The following DNM3 variants were observed in gnomAD, a reference collection of about 807,000 sequenced individuals.
The protein encoded by DNM3 is dynamin 3.
A neutral mutation model predicts 101.6 loss-of-function variants in DNM3; 47 were observed. The ratio of observed to expected loss-of-function variants is 0.46; its 90% CI spans 0.37 to 0.59. DNM3 has a LOEUF of 0.59. Among genes scored for constraint, DNM3 ranks in the 20% least tolerant of loss-of-function variants. The pLI, the probability that DNM3 is intolerant of heterozygous loss-of-function variation, is 0.00. For missense variants in DNM3, 849 were observed against 1,085.7 expected (o/e 0.78, Z 3.06); for synonymous variants, 385 against 387.9 (o/e 0.99, Z 0.09).
chr1:172,037,705 G>A lies in DNM3; in HGVS notation c.850-614G>A, dbSNP rs988271532. Among the ~76,000 whole-genome samples, 4 of 152,164 alleles carry A rather than the reference G, an allele frequency of 2.6e-5. No homozygotes were observed. The East Asian group carries it at 7.7e-4, about 29-fold the overall frequency. ...CTGCTGATCTCAGTGGAAATGCCAA[G>A]TAGATGGTTATGTCAAGCCTTCAAT... On this transcript the variant is annotated intron_variant, in intron 6 of 20. Transcript: ENST00000627582.
intron 2 of DNM3, among the ~76,000 whole-genome samples, chr1:171,977,652 A>G (rs1343286505): frequency 6.6e-6 from 1 of 152,194 alleles, no homozygotes; most frequent in Non-Finnish European, 1.5e-5. Flanking sequence ...TTTGACATCA[A>G]TTCTTTCTTG....
intron 14 of DNM3, chr1:172,138,190 G>A (rs2057355847): frequency 6.6e-6 from 1 of 151,926 alleles, no homozygotes; most frequent in Non-Finnish European, 1.5e-5. Flanking sequence ...TTTTAATATA[G>A]TTGAACACTA....
rs1204598026 is a variant in DNM3, at chr1:172,411,987, G to A, written c.*4146G>A. The A allele has an allele frequency of 2.0e-6, 2 of 985,632 alleles. No individual in the cohort carries two copies. The highest frequency in any genetic ancestry group is 3.5e-5 in the African/African-American group (2 of 57,220). The allele number at this position is 985,632 out of a possible 1,614,324, so 61.1% of individuals were successfully genotyped here. ...TATGTTTAAAATTATGTGGTGCTGT[G>A]TAGGTGAAACTTTAAGAATATTTTT... is the stretch of plus-strand genomic sequence containing the variant. On this transcript the variant is annotated 3_prime_UTR_variant, in exon 21 of 21. Transcript: ENST00000627582.
chr1:172,337,388 C>T (rs2066477910), intron 17 of DNM3, among the ~76,000 whole-genome samples: 1 of 152,176 alleles, frequency 6.6e-6, no homozygotes, highest in Non-Finnish European at 1.5e-5. Flanking sequence ...TGAACATTCT[C>T]TATAGCAGTG....
In DNM3 at chr1:172,410,293, C is replaced by T; in HGVS notation, c.*2452C>T. 1.0e-6 allele frequency: 1 copy of T among 985,310 alleles called. No individual in the cohort carries two copies. Among genetic ancestry groups the T allele is most frequent in the Non-Finnish European group, 1.2e-6 (1 of 829,858 alleles). The allele number at this position is 985,310 out of a possible 1,614,324, so 61.0% of individuals were successfully genotyped here. A position where few individuals can be genotyped will look rare whatever the true frequency, so the allele number is the denominator to read the frequency against. On this transcript the variant is annotated 3_prime_UTR_variant, in exon 21 of 21. Transcript: ENST00000627582. Reference sequence around the variant, plus strand: ...TGTGCATAGTTTGACGTGCAGCATGCACACCAGGCCTTAAGATGGGAATGT... The same window carrying T: ...TGTGCATAGTTTGACGTGCAGCATGTACACCAGGCCTTAAGATGGGAATGT...
chr1:172,054,243 C>A (rs1013247888), intron 10 of DNM3, among the ~76,000 whole-genome samples: 2 of 152,154 alleles, frequency 1.3e-5, no homozygotes, highest in Non-Finnish European at 2.9e-5. Flanking sequence ...TGTGTTCAAA[C>A]AACAAAACAC....
At chr1:172,056,582 C>A (rs1256936383) in intron 10 of DNM3, among the ~76,000 whole-genome samples, 8 of 152,144 alleles carry the variant, frequency 5.3e-5, no homozygotes, top group South Asian at 2.1e-4. Flanking sequence ...AGCAGGGGCA[C>A]ACTGACACCT....
At chr1:172,350,316 TTGTGTGTGTGTG>T (rs5778730) in intron 17 of DNM3, among the ~76,000 whole-genome samples, 1 of 148,032 alleles carries the variant, frequency 6.8e-6, no homozygotes, top group African/African-American at 2.5e-5. Flanking sequence ...CCATTTTATC[TTGTGTGTGTGTG>T]TGTGTGTGTG....
intron 14 of DNM3, among the ~76,000 whole-genome samples, chr1:172,166,877 C>T (rs1410237794): frequency 6.6e-6 from 1 of 151,676 alleles, no homozygotes; most frequent in Admixed American, 6.6e-5. Context: ...TTATGTCATC[C>T]AGAAGTTCAT....
At chr1:172,400,701 T>C (rs936139733) in intron 20 of DNM3, among the ~76,000 whole-genome samples, 2 of 152,210 alleles carry the variant, frequency 1.3e-5, no homozygotes, top group Non-Finnish European at 2.9e-5. Flanking sequence ...AATCATATTT[T>C]AATACAACTA....
intron 14 of DNM3, among the ~76,000 whole-genome samples, chr1:172,182,166 G>A (rs1301782742): frequency 6.6e-6 from 1 of 151,338 alleles, no homozygotes; most frequent in African/African-American, 2.4e-5. Flanking sequence ...GGAAAAAAAT[G>A]TGACAACATT....
At chr1:172,130,932 C>T (rs1466935239) in intron 13 of DNM3, among the ~76,000 whole-genome samples, 2 of 152,150 alleles carry the variant, frequency 1.3e-5, no homozygotes, top group Non-Finnish European at 2.9e-5. Flanking sequence ...TCAGTCACTC[C>T]ACTTCAACCA....
intron 14 of DNM3, among the ~76,000 whole-genome samples, chr1:172,135,055 G>C (rs1182899773): frequency 6.6e-6 from 1 of 152,128 alleles, no homozygotes; most frequent in Non-Finnish European, 1.5e-5. Flanking sequence ...GGAGTTACTA[G>C]AAAGCTATTG....
intron 2 of DNM3, among the ~76,000 whole-genome samples, chr1:171,940,698 T>C (rs2041753333): frequency 1.3e-5 from 2 of 152,202 alleles, no homozygotes; most frequent in Non-Finnish European, 2.9e-5. Context: ...AACTACAATT[T>C]CCATTTTAAA....
At chr1:172,080,494 T>C (rs960913022) in intron 11 of DNM3, among the ~76,000 whole-genome samples, 1 of 152,124 alleles carries the variant, frequency 6.6e-6, no homozygotes, top group African/African-American at 2.4e-5. Flanking sequence ...TAGAGCATCC[T>C]AGGCCAACTT....
intron 4 of DNM3, among the ~76,000 whole-genome samples, chr1:172,003,721 GA>G (rs2046494480): frequency 2.8e-5 from 2 of 71,752 alleles, no homozygotes; most frequent in African/African-American, 4.5e-4. Context: ...AGAGGTATTT[GA>G]ATAATTTATT....
rs1304441126 is a variant in DNM3 at position 172,163,962 on chromosome 1, C to T, written c.1659+32674C>T. ...ACACATGCATACATATATATACACA[C>T]ACACACACACACACACACACACACA... On this transcript the variant is annotated intron_variant, in intron 14 of 20. Coordinates refer to ENST00000627582, the MANE Select transcript of DNM3 (RefSeq NM_015569.5). Among the ~76,000 whole-genome samples the T allele has an allele frequency of 5.5e-3, 462 of 84,514 alleles. 1 individual carries two copies. The highest frequency in any genetic ancestry group is 0.015 in the African/African-American group (420 of 28,388). The allele number at this position is 84,514 out of a possible 152,430, so 55.4% of individuals were successfully genotyped here. A position where few individuals can be genotyped will look rare whatever the true frequency, so the allele number is the denominator to read the frequency against.
At chr1:171,852,235 C>T (rs559994784) in intron 1 of DNM3, among the ~76,000 whole-genome samples, 66 of 152,258 alleles carry the variant, frequency 4.3e-4, no homozygotes, top group Non-Finnish European at 6.6e-4. Context: ...ATTTACCTGC[C>T]TATCTTCCAG....
chr1:172,282,923 G>A (rs1165388115), intron 15 of DNM3, among the ~76,000 whole-genome samples: 2 of 152,154 alleles, frequency 1.3e-5, no homozygotes, highest in Non-Finnish European at 2.9e-5. Context: ...TTACCTTTGG[G>A]TGGGACATAT....
Sources: gnomAD v4.1 joint callset for allele counts (sites outside exome capture counted in the v4.1 genomes callset) on GRCh38, gnomAD v4.1.1 for gene constraint, MANE v1.5 for transcripts, NCBI Gene and HGNC (gene_info 2026-07-23, HGNC 2026-07-21) for gene names.